Variants in ABCB11 observed in about 807,000 individuals in gnomAD.
The protein encoded by ABCB11 is bile salt export pump.
Under a neutral mutation model 148.0 loss-of-function variants are expected in ABCB11, and 95 were observed. The ratio of observed to expected loss-of-function variants is 0.64; its 90% CI spans 0.54 to 0.76. The LOEUF (loss-of-function observed/expected upper bound fraction) is 0.76. Ranked by LOEUF, ABCB11 falls within the 30% of genes least tolerant of loss-of-function variation. The pLI, the probability that ABCB11 is intolerant of heterozygous loss-of-function variation, is 0.00. For synonymous variants in ABCB11, 591 were observed against 555.4 expected (o/e 1.06, Z -0.90); for missense variants, 1,523 against 1,617.8 (o/e 0.94, Z 1.01).
intron 4 of ABCB11, 88 bp from the exon 5 acceptor site, chr2:169,013,598 G>C: frequency 9.4e-7 from 1 of 1,067,236 alleles, no homozygotes. Context: ...AGATTCTCAT[G>C]AATAGTACTC....
intron 18 of ABCB11, among the ~76,000 whole-genome samples, chr2:168,962,528 C>T (rs1693122801): frequency 6.6e-6 from 1 of 151,640 alleles, no homozygotes; most frequent in East Asian, 1.9e-4. Flanking sequence ...TGAACAACAA[C>T]AATGAAAAAG....
At chr2:168,959,982 C>T (rs1377759301) in intron 18 of ABCB11, among the ~76,000 whole-genome samples, 3 of 144,440 alleles carry the variant, frequency 2.1e-5, no homozygotes, top group African/African-American at 7.7e-5. Flanking sequence ...CACTGTGATT[C>T]AGGATGCTCA....
At chr2:168,959,934 C>CAAAAAAAAAAAAAA (rs375450217) in intron 18 of ABCB11, among the ~76,000 whole-genome samples, 1 of 87,202 alleles carries the variant, frequency 1.1e-5, no homozygotes. Context: ...ACTGCATCTC[C>CAAAAAAAAAAAAAA]AAAAAAAAAA....
At chr2:169,010,753 A>G (rs757974435) in intron 5 of ABCB11, among the ~76,000 whole-genome samples, 6 of 152,050 alleles carry the variant, frequency 3.9e-5, no homozygotes, top group Non-Finnish European at 7.4e-5. Context: ...CTAAACAAAC[A>G]TGTTATTCAG....
intron 5 of ABCB11, among the ~76,000 whole-genome samples, chr2:169,003,344 G>A (rs2106028265): frequency 6.7e-6 from 1 of 148,364 alleles, no homozygotes; most frequent in Middle Eastern, 3.5e-3. Context: ...GTGTGTGTGT[G>A]TGTGCATATA....
At chr2:168,918,234 T>C (rs1448600095), downstream of ABCB11, among the ~76,000 whole-genome samples, 1 of 152,180 alleles carries the variant, frequency 6.6e-6, no homozygotes, top group Non-Finnish European at 1.5e-5. Flanking sequence ...ACAAGATGTA[T>C]TGAGGTAGAA....
chr2:168,961,721 A>T (rs377529445), intron 18 of ABCB11, among the ~76,000 whole-genome samples: 1 of 151,762 alleles, frequency 6.6e-6, no homozygotes, highest in Non-Finnish European at 1.5e-5. Context: ...AAATGGGTAT[A>T]GTCTCATCTC....
At chr2:168,924,320 T>A (rs765783834) in intron 27 of ABCB11, among the ~76,000 whole-genome samples, 4 of 152,244 alleles carry the variant, frequency 2.6e-5, no homozygotes, top group Non-Finnish European at 5.9e-5. Flanking sequence ...GTGGCCTACC[T>A]TCTCTGTCAC....
At chr2:168,936,949 C>T (rs1239121993) in intron 21 of ABCB11, among the ~76,000 whole-genome samples, 1 of 152,092 alleles carries the variant, frequency 6.6e-6, no homozygotes, top group Non-Finnish European at 1.5e-5. Flanking sequence ...AGGGCAGTGG[C>T]ATAATTATGG....
At chr2:168,996,997 C>T (rs1408357611) in intron 5 of ABCB11, among the ~76,000 whole-genome samples, 2 of 151,758 alleles carry the variant, frequency 1.3e-5, no homozygotes, top group African/African-American at 2.4e-5. Context: ...GGCAGAGATG[C>T]TAGGACTATG....
intron 18 of ABCB11, among the ~76,000 whole-genome samples, chr2:168,962,498 C>T (rs771208653): frequency 1.1e-4 from 16 of 151,686 alleles, no homozygotes; most frequent in Admixed American, 4.6e-4. Flanking sequence ...CCTACACCTA[C>T]GCTAGGTCCT....
chr2:169,011,569 C>T (rs1695188490), intron 5 of ABCB11, among the ~76,000 whole-genome samples: 1 of 152,056 alleles, frequency 6.6e-6, no homozygotes. Flanking sequence ...TGTATATTAT[C>T]CTGTGTTTTC....
intron 12 of ABCB11, among the ~76,000 whole-genome samples, chr2:168,974,949 ATAT>A (rs1693752978): frequency 6.7e-6 from 1 of 148,588 alleles, no homozygotes; most frequent in Admixed American, 6.8e-5. Flanking sequence ...ATATTTATGT[ATAT>A]AATGAAGGTA....
At position 168,977,020 on chromosome 2, in the gene ABCB11, A is replaced by T. The variant is rs1328139627; in HGVS notation, c.1198-333T>A. 2.0e-5 allele frequency among the ~76,000 whole-genome samples: 3 copies of T among 148,782 alleles called. No individual in the cohort carries two copies. The Admixed American group carries it at 2.0e-4, about 10-fold the overall frequency. ...CTGAGATATTATATATTAACATAAT[A>T]CATATTTAATTAATTTATTTAATTG... is the stretch of plus-strand genomic sequence containing the variant. On this transcript the variant is annotated intron_variant, in intron 11 of 27. Transcript: ENST00000650372.
intron 5 of ABCB11, among the ~76,000 whole-genome samples, chr2:169,011,005 GTA>G (rs1260133288): frequency 1.3e-5 from 2 of 152,154 alleles, no homozygotes; most frequent in Admixed American, 6.6e-5. Flanking sequence ...TCGCCTTCAG[GTA>G]TGTGATCCAG....
At chr2:169,002,913 ATTTT>A (rs1036688985) in intron 5 of ABCB11, among the ~76,000 whole-genome samples, 1 of 151,880 alleles carries the variant, frequency 6.6e-6, no homozygotes, top group Non-Finnish European at 1.5e-5. Flanking sequence ...GTAGATTTTT[ATTTT>A]TTTTGTTTTA....
intron 9 of ABCB11, 56 bp from the exon 10 acceptor site, chr2:168,986,340 T>C (rs1694324631): frequency 6.9e-7 from 1 of 1,455,588 alleles, no homozygotes. Flanking sequence ...AGTTATAATG[T>C]TTAAAACAGG....
At chr2:168,959,949 A>C (rs907234043) in intron 18 of ABCB11, among the ~76,000 whole-genome samples, 1 of 151,264 alleles carries the variant, frequency 6.6e-6, no homozygotes, top group Non-Finnish European at 1.5e-5. Context: ...AAAAAAAAAA[A>C]AAAAAAAAAA....
chr2:168,938,392 C>T (rs1396614119), intron 21 of ABCB11, among the ~76,000 whole-genome samples: 1 of 152,136 alleles, frequency 6.6e-6, no homozygotes, highest in Non-Finnish European at 1.5e-5. Flanking sequence ...ACTTCAAAAA[C>T]ATCATGTTAT....
Sources: allele counts gnomAD v4.1 joint callset (sites outside exome capture counted in the v4.1 genomes callset), GRCh38; gene constraint gnomAD v4.1.1; transcripts MANE v1.5; gene names NCBI Gene and HGNC (gene_info 2026-07-23, HGNC 2026-07-21).